PHACTR1: variants seen among roughly 807,000 people sequenced by gnomAD.
The protein encoded by PHACTR1 is RPEL repeat containing 1.
Under a neutral mutation model 69.2 loss-of-function variants are expected in PHACTR1, and 16 were observed. That is an observed-to-expected ratio of 0.23 (90% CI 0.16 to 0.35). PHACTR1 has a LOEUF of 0.35. PHACTR1 is among the 10% of genes least tolerant of loss of function. The pLI is 1.00. For synonymous variants in PHACTR1, 312 were observed against 284.5 expected (o/e 1.10, Z -0.97); for missense variants, 510 against 734.7 (o/e 0.69, Z 3.54).
intron 5 of PHACTR1, among the ~76,000 whole-genome samples, chr6:13,093,991 G>A (rs1283730632): frequency 6.6e-6 from 1 of 151,990 alleles, no homozygotes. Context: ...CCCTCCTCAG[G>A]CTCCCAAGTA....
At chr6:12,784,393 T>C (rs1277630956) in intron 4 of PHACTR1, among the ~76,000 whole-genome samples, 1 of 151,874 alleles carries the variant, frequency 6.6e-6, no homozygotes, top group African/African-American at 2.4e-5. Flanking sequence ...TGATGATATA[T>C]ACATATACAC....
rs539979944 is a variant in PHACTR1 at position 13,087,950 on chromosome 6, A to G, written c.415+34421A>G. ...GCATGAGCCACTACACCCAGCCAAA[A>G]GCACACATCTTTAACCTGGTAATGT... On this transcript the variant is annotated intron_variant, in intron 5 of 14. Coordinates refer to ENST00000332995, the MANE Select transcript of PHACTR1 (RefSeq NM_030948.6). Among the ~76,000 whole-genome samples, 7 of 152,258 alleles carry G rather than the reference A, an allele frequency of 4.6e-5. No individual in the cohort carries two copies. In the South Asian group the frequency reaches 1.5e-3, roughly 32 times the overall value.
At chr6:13,239,007 A>G (rs1033278896) in intron 10 of PHACTR1, among the ~76,000 whole-genome samples, 1 of 152,134 alleles carries the variant, frequency 6.6e-6, no homozygotes, top group East Asian at 1.9e-4. Context: ...TATCATCACC[A>G]TCATCATCCT....
At chr6:13,188,164 A>G (rs1763057328) in intron 7 of PHACTR1, among the ~76,000 whole-genome samples, 1 of 152,222 alleles carries the variant, frequency 6.6e-6, no homozygotes, top group Non-Finnish European at 1.5e-5. Context: ...TATCCTTACT[A>G]TGTAGTACCT....
intron 4 of PHACTR1, among the ~76,000 whole-genome samples, chr6:12,859,147 C>A (rs1780692878): frequency 6.6e-6 from 1 of 152,106 alleles, no homozygotes; most frequent in Non-Finnish European, 1.5e-5. Flanking sequence ...GCTGCAAAGA[C>A]CTTTACAAAC....
intron 7 of PHACTR1, among the ~76,000 whole-genome samples, chr6:13,187,838 C>A (rs1022451493): frequency 2.0e-5 from 3 of 151,098 alleles, no homozygotes; most frequent in African/African-American, 7.4e-5. Flanking sequence ...TGACTGATAT[C>A]AGTGAGAAGA....
intron 4 of PHACTR1, among the ~76,000 whole-genome samples, chr6:12,973,743 G>A (rs1162152665): frequency 6.6e-6 from 1 of 152,158 alleles, no homozygotes; most frequent in Admixed American, 6.5e-5. Context: ...CAGAGGCCAT[G>A]AGACAGCCTT....
intron 4 of PHACTR1, among the ~76,000 whole-genome samples, chr6:12,999,831 G>T (rs892381433): frequency 1.3e-5 from 2 of 152,144 alleles, no homozygotes; most frequent in Non-Finnish European, 2.9e-5. Flanking sequence ...GTGATGTTTG[G>T]CTATATCTGT....
chr6:12,998,613 C>CAAA (rs113893363), intron 4 of PHACTR1, among the ~76,000 whole-genome samples: 6 of 116,514 alleles, frequency 5.1e-5, no homozygotes, highest in African/African-American at 1.5e-4. Context: ...AAGACCTGGT[C>CAAA]AAAAAAAAAA....
At chr6:12,846,071 A>G (rs2127750213) in intron 4 of PHACTR1, among the ~76,000 whole-genome samples, 1 of 152,096 alleles carries the variant, frequency 6.6e-6, no homozygotes, top group African/African-American at 2.4e-5. Flanking sequence ...TTTAAAAACA[A>G]ACAAACAAAC....
intron 8 of PHACTR1, among the ~76,000 whole-genome samples, chr6:13,226,987 C>T (rs1016486177): frequency 2.0e-5 from 3 of 152,122 alleles, no homozygotes; most frequent in East Asian, 1.9e-4. Flanking sequence ...CCACCTGCCT[C>T]GGCCTCCCAA....
intron 5 of PHACTR1, among the ~76,000 whole-genome samples, chr6:13,055,819 T>G (rs1806691916): frequency 6.6e-6 from 1 of 152,224 alleles, no homozygotes; most frequent in African/African-American, 2.4e-5. Context: ...CATGAATTAT[T>G]AAACGTCTTC....
At chr6:13,083,756 T>C (rs1219448089) in intron 5 of PHACTR1, among the ~76,000 whole-genome samples, 2 of 152,148 alleles carry the variant, frequency 1.3e-5, no homozygotes, top group African/African-American at 4.8e-5. Context: ...TGTCTGTTAT[T>C]GGTGTATAAG....
intron 4 of PHACTR1, among the ~76,000 whole-genome samples, chr6:12,954,452 A>G (rs1791643796): frequency 6.6e-6 from 1 of 151,862 alleles, no homozygotes; most frequent in South Asian, 2.1e-4. Context: ...GGTGCTCGTG[A>G]TAGTTTGGGT....
chr6:12,863,348 G>A (rs1781129543), intron 4 of PHACTR1, among the ~76,000 whole-genome samples: 1 of 152,182 alleles, frequency 6.6e-6, no homozygotes. Flanking sequence ...GACTGAGTAA[G>A]CTCTGTTCTC....
intron 5 of PHACTR1, among the ~76,000 whole-genome samples, chr6:13,141,564 C>T (rs1353465289): frequency 6.6e-6 from 1 of 152,116 alleles, no homozygotes; most frequent in Admixed American, 6.5e-5. Flanking sequence ...TTTAAGGAAG[C>T]AGTGTGCTTC....
chr6:13,146,845 T>TG (rs1465351112), intron 5 of PHACTR1, among the ~76,000 whole-genome samples: 2 of 152,148 alleles, frequency 1.3e-5, no homozygotes, highest in East Asian at 3.9e-4. Context: ...TTTTTATTCC[T>TG]GGGGGGAGTG....
chr6:12,872,450 A>C (rs1782128412), intron 4 of PHACTR1, among the ~76,000 whole-genome samples: 1 of 152,120 alleles, frequency 6.6e-6, no homozygotes, highest in Admixed American at 6.6e-5. Flanking sequence ...ACACACAGAC[A>C]CACACACACA....
chr6:13,279,010 A>G (rs1041343415), intron 12 of PHACTR1, among the ~76,000 whole-genome samples: 1 of 146,064 alleles, frequency 6.8e-6, no homozygotes, highest in Non-Finnish European at 1.5e-5. Flanking sequence ...ATTATTTGCT[A>G]TGACCCTGGG....
Sources: gnomAD v4.1 joint callset for allele counts (sites outside exome capture counted in the v4.1 genomes callset) on GRCh38, gnomAD v4.1.1 for gene constraint, MANE v1.5 for transcripts, NCBI Gene and HGNC (gene_info 2026-07-23, HGNC 2026-07-21) for gene names.